The following SEMA3D variants were observed in gnomAD, a reference collection of about 807,000 sequenced individuals.
The protein encoded by SEMA3D is semaphorin 3D.
Under a neutral mutation model 100.1 loss-of-function variants are expected in SEMA3D, and 84 were observed. That is an observed-to-expected ratio of 0.84 (90% CI 0.70 to 1.01). SEMA3D has a LOEUF of 1.01. Among genes scored for constraint, SEMA3D ranks in the 50% least tolerant of loss-of-function variants. The probability of loss-of-function intolerance (pLI) is 0.00; values close to 1 mark genes in which losing one functional copy is unlikely to be tolerated. For missense variants in SEMA3D, 875 were observed against 934.1 expected, an observed-to-expected ratio of 0.94 and a Z score of 0.82; for synonymous variants, 312 against 320.7, an observed-to-expected ratio of 0.97 and a Z score of 0.29.
At chr7:85,190,436 G>T (rs2534867), upstream of SEMA3D, among the ~76,000 whole-genome samples, 27,835 of 151,894 alleles carry the variant, frequency 0.18, 2,760 homozygotes, top group Non-Finnish European at 0.23. Flanking sequence ...AAGAAAATCG[G>T]CGTGTATGTT....
chr7:85,054,804 A>AAAGGT (rs1311936272), intron 9 of SEMA3D, among the ~76,000 whole-genome samples: 87 of 152,206 alleles, frequency 5.7e-4, no homozygotes, highest in African/African-American at 2.0e-3. Flanking sequence ...TTAATAACTG[A>AAAGGT]GTTGATGCTA....
intron 2 of SEMA3D, among the ~76,000 whole-genome samples, chr7:85,127,737 A>G (rs1266020037): frequency 6.6e-6 from 1 of 152,164 alleles, no homozygotes; most frequent in East Asian, 1.9e-4. Flanking sequence ...ATTGATACTT[A>G]TCAATTTGAA....
intron 8 of SEMA3D, among the ~76,000 whole-genome samples, chr7:85,064,823 A>C (rs1791571771): frequency 6.6e-6 from 1 of 152,176 alleles, no homozygotes; most frequent in Non-Finnish European, 1.5e-5. Flanking sequence ...TTTTTTAAAA[A>C]ATTTGAAACT....
At chr7:85,075,673 G>A (rs1791902458) in intron 5 of SEMA3D, among the ~76,000 whole-genome samples, 1 of 152,168 alleles carries the variant, frequency 6.6e-6, no homozygotes. Context: ...GTTGTGCTCA[G>A]TCAAATTTTT....
In SEMA3D at chr7:85,088,347, T is replaced by C. The variant is rs114452035; in HGVS notation, c.313-6768A>G. Among the ~76,000 whole-genome samples the C allele has an allele frequency of 7.6e-3, 1,159 of 152,306 alleles. 9 individuals are homozygous for C. The highest frequency in any genetic ancestry group is 0.026 in the African/African-American group (1,068 of 41,570). ...AATTTAATTGACTCAAGTTAGCAAG[T>C]GCAAGGTCAGTCAAATGCCCCTCAG... On this transcript the variant is annotated intron_variant, in intron 4 of 18. Transcript: ENST00000284136.
At chr7:85,215,956 T>C in the SEMA3D span, among the ~76,000 whole-genome samples, 4 of 152,110 alleles carry the variant, frequency 2.6e-5, no homozygotes, top group African/African-American at 4.8e-5. Flanking sequence ...TTTTGCACTT[T>C]TAAGGTTCTT....
intron 9 of SEMA3D, chr7:85,050,486 T>A (rs1791133769): frequency 3.4e-6 from 1 of 297,128 alleles, no homozygotes; most frequent in Admixed American, 5.2e-5. Flanking sequence ...TTAGGAAATG[T>A]GCTCTACCAT....
At chr7:85,089,035 A>G (rs1480021932) in intron 4 of SEMA3D, among the ~76,000 whole-genome samples, 2 of 152,084 alleles carry the variant, frequency 1.3e-5, no homozygotes, top group East Asian at 3.9e-4. Context: ...ACCTTTTTCC[A>G]GGTGTAAAGA....
intron 2 of SEMA3D, among the ~76,000 whole-genome samples, chr7:85,133,237 T>C (rs542712801): frequency 1.3e-5 from 2 of 152,072 alleles, no homozygotes; most frequent in African/African-American, 4.8e-5. Context: ...TCTATCAACA[T>C]AGTAGTATCA....
At chr7:85,241,599 A>G in the SEMA3D span, among the ~76,000 whole-genome samples, 3 of 150,864 alleles carry the variant, frequency 2.0e-5, no homozygotes, top group African/African-American at 7.3e-5. Context: ...AGAATCAAAC[A>G]TCTTTATGTT....
chr7:85,112,177 T>A lies in SEMA3D; in HGVS notation c.151+9564A>T, dbSNP rs1366803161. Among the ~76,000 whole-genome samples the A allele has an allele frequency of 3.3e-5, 5 of 152,180 alleles. No homozygotes were observed. In the East Asian group the frequency reaches 9.6e-4, roughly 29 times the overall value. Reference sequence around the variant, plus strand: ...ATCAAACAAATCAAACAAGTTTAGATGAGTTAATAACTGACATCTCTACTT... The same window carrying A: ...ATCAAACAAATCAAACAAGTTTAGAAGAGTTAATAACTGACATCTCTACTT... On this transcript the variant is annotated intron_variant, in intron 3 of 18. Transcript: ENST00000284136.
chr7:85,093,308 T>C (rs1423481787), intron 4 of SEMA3D, among the ~76,000 whole-genome samples: 1 of 151,980 alleles, frequency 6.6e-6, no homozygotes. Context: ...TTGAAACTAA[T>C]ATATTTCTGG....
chr7:85,159,786 T>G, intron 1 of SEMA3D: 1 of 966,562 alleles, frequency 1.0e-6, no homozygotes, highest in Non-Finnish European at 1.2e-6. Flanking sequence ...GCTATTCACT[T>G]TGACAGCAGG....
chr7:85,156,171 C>T (rs942517235), intron 1 of SEMA3D, among the ~76,000 whole-genome samples: 4 of 149,948 alleles, frequency 2.7e-5, no homozygotes, highest in South Asian at 2.1e-4. Flanking sequence ...GGCAAGATCT[C>T]GGCTCACTGC....
chr7:85,012,633 A>T, intron 17 of SEMA3D, 149 bp downstream of exon 17: 1 of 550,936 alleles, frequency 1.8e-6, no homozygotes, highest in Non-Finnish European at 3.2e-6. Context: ...TTGATTTATA[A>T]AATTTCCTGT....
Position 85,020,016 on chromosome 7 carries a change from G to A in SEMA3D, c.1503+217C>T, listed in dbSNP as rs146663676. On this transcript the variant is annotated intron_variant, in intron 14 of 18. Coordinates refer to ENST00000284136, the MANE Select transcript of SEMA3D (RefSeq NM_001384900.1). ...GAATGCAGTAATGAGAGGCAATCCC[G>A]GGAGCCCTGAATTCAGCGGTATTCT... 3.2e-3 allele frequency among the ~76,000 whole-genome samples: 487 copies of A among 151,684 alleles called. 1 individual carries two copies. Among genetic ancestry groups the A allele is most frequent in the Middle Eastern group, 0.014 (4 of 294 alleles).
chr7:85,036,919 A>G lies in SEMA3D; in HGVS notation c.1161T>C (p.Asp387=). 2 of 1,613,432 alleles carry G rather than the reference A, an allele frequency of 1.2e-6. No individual in the cohort carries two copies. The highest frequency in any genetic ancestry group is 1.7e-6 in the Non-Finnish European group (2 of 1,179,530). Residue 387 remains aspartate, a synonymous_variant, in exon 12 of 19, where the codon GAT becomes GAC. Transcript: ENST00000284136. ...ESADHRWVQY[D]GRIPYPRPGT... ...CAGGCCGTGGATAAGGAATTCTCCCATCATACTGCACCCAACGATGGTCTG... is the reference window on the plus strand; with the variant it reads ...CAGGCCGTGGATAAGGAATTCTCCCGTCATACTGCACCCAACGATGGTCTG...
chr7:85,101,429 T>A (rs73181426), intron 3 of SEMA3D, among the ~76,000 whole-genome samples: 36,568 of 151,882 alleles, frequency 0.24, 4,761 homozygotes, highest in East Asian at 0.38. Context: ...GAATATGAAT[T>A]TTAGGTTCAG....
In SEMA3D at chr7:85,055,696, A is replaced by C. The variant is rs772060535; in HGVS notation, c.861+21T>G. 6 of 737,042 alleles carry C rather than the reference A, an allele frequency of 8.1e-6. No homozygotes were observed. In the South Asian group the frequency reaches 1.8e-4, roughly 22 times the overall value. 45.7% of individuals were successfully genotyped at this position (737,042 alleles called of 1,614,324 possible). A position where few individuals can be genotyped will look rare whatever the true frequency, so the allele number is the denominator to read the frequency against. ...TATATATATATATATGTTTTAAGTAAAATATATAAATATATCTTGCCTTAC... is the reference window on the plus strand; with the variant it reads ...TATATATATATATATGTTTTAAGTACAATATATAAATATATCTTGCCTTAC... On this transcript the variant is annotated intron_variant, in intron 9 of 18. Coordinates refer to ENST00000284136, the MANE Select transcript of SEMA3D (RefSeq NM_001384900.1).
Sources: gnomAD v4.1 joint callset for allele counts (sites outside exome capture counted in the v4.1 genomes callset) on GRCh38, gnomAD v4.1.1 for gene constraint, MANE v1.5 for transcripts, NCBI Gene and HGNC (gene_info 2026-07-23, HGNC 2026-07-21) for gene names.